Variants in NRXN1 observed in about 807,000 individuals in gnomAD.
The protein encoded by NRXN1 is neurexin 1, also known as neurexin-1.
NRXN1 carries 39 observed loss-of-function variants against 150.9 expected under a neutral mutation model. That is an observed-to-expected ratio of 0.26 (90% CI 0.20 to 0.34). The LOEUF is 0.34. Ranked by LOEUF, NRXN1 falls within the 10% of genes least tolerant of loss-of-function variation. The probability of loss-of-function intolerance (pLI) is 1.00; values close to 1 mark genes in which losing one functional copy is unlikely to be tolerated. For synonymous variants in NRXN1, 924 were observed against 757.0 expected, an observed-to-expected ratio of 1.22 and a Z score of -3.62; for missense variants, 1,815 against 1,949.9, an observed-to-expected ratio of 0.93 and a Z score of 1.30.
At chr2:50,913,556 T>C (rs1684815859) in intron 5 of NRXN1, among the ~76,000 whole-genome samples, 1 of 151,804 alleles carries the variant, frequency 6.6e-6, no homozygotes, top group South Asian at 2.1e-4. Context: ...GTCTCAGTAG[T>C]GTAATTGTAT....
chr2:50,219,975 A>ATATATAAT (rs1491470411), intron 18 of NRXN1, among the ~76,000 whole-genome samples: 1 of 25,754 alleles, frequency 3.9e-5, no homozygotes, highest in African/African-American at 3.4e-4. Flanking sequence ...ATATATATAT[A>ATATATAAT]ATATATATAT....
In NRXN1 at chr2:50,054,946, G is replaced by GT. The variant is rs770051379; in HGVS notation, c.3808+8dup. On this transcript the variant is annotated intron_variant, in intron 20 of 22. Transcript: ENST00000401669. Reference sequence around the variant, plus strand: ...TTTTTTATTTGAAGTTTTAATCAATGTTTTTTACCTTTGTCGAGTAGCCAT... The same window carrying GT: ...TTTTTTATTTGAAGTTTTAATCAATGTTTTTTTACCTTTGTCGAGTAGCCAT... 4.5e-5 allele frequency: 68 copies of GT among 1,526,998 alleles called. No individual in the cohort carries two copies. Among genetic ancestry groups the GT allele is most frequent in the Admixed American group, 3.6e-4 (17 of 47,766 alleles). 94.6% of individuals were successfully genotyped at this position (1,526,998 alleles called of 1,614,324 possible).
At chr2:50,301,775 T>A (rs1223901401) in intron 17 of NRXN1, among the ~76,000 whole-genome samples, 2 of 152,202 alleles carry the variant, frequency 1.3e-5, no homozygotes, top group African/African-American at 4.8e-5. Context: ...AGAATCAAGA[T>A]GAGGCCCATT....
At chr2:50,664,403 G>GTGT (rs1159696023) in intron 5 of NRXN1, among the ~76,000 whole-genome samples, 1 of 135,978 alleles carries the variant, frequency 7.4e-6, no homozygotes, top group Admixed American at 7.1e-5. Flanking sequence ...AAGCGTGTGT[G>GTGT]TGTGTGTGTG....
intron 2 of NRXN1, among the ~76,000 whole-genome samples, chr2:51,010,163 TAGATAATCCCTCA>T (rs1667618954): frequency 6.6e-6 from 1 of 151,988 alleles, no homozygotes; most frequent in African/African-American, 2.4e-5. Flanking sequence ...AAACATCTCA[TAGATAATCCCTCA>T]AGATGGAGAG....
At chr2:50,076,314 C>G (rs191639780) in intron 19 of NRXN1, among the ~76,000 whole-genome samples, 11 of 152,058 alleles carry the variant, frequency 7.2e-5, no homozygotes, top group Non-Finnish European at 1.2e-4. Flanking sequence ...CAAACTAATA[C>G]GGGGAGGTTA....
At chr2:50,486,878 TTGAGCA>T (rs2090911425) in intron 15 of NRXN1, among the ~76,000 whole-genome samples, 1 of 152,118 alleles carries the variant, frequency 6.6e-6, no homozygotes, top group African/African-American at 2.4e-5. Context: ...TTATGAACCC[TTGAGCA>T]TCAAAGAATA....
chr2:50,252,233 C>CTTTTTTTT (rs55993018), intron 17 of NRXN1, among the ~76,000 whole-genome samples: 42 of 94,904 alleles, frequency 4.4e-4, no homozygotes, highest in East Asian at 9.8e-4. Flanking sequence ...ACATTTTGTC[C>CTTTTTTTT]TTTTTTTTTT....
chr2:50,758,668 C>A (rs968740664), intron 5 of NRXN1, among the ~76,000 whole-genome samples: 1 of 151,838 alleles, frequency 6.6e-6, no homozygotes, highest in Non-Finnish European at 1.5e-5. Context: ...GAAATGAATT[C>A]GACTGGTGGC....
In NRXN1 at chr2:50,347,080, C is replaced by T; in HGVS notation, c.3365-110110G>A. 1 of 1,383,990 alleles carries T rather than the reference C, an allele frequency of 7.2e-7. No individual in the cohort carries two copies. Among genetic ancestry groups the T allele is most frequent in the Non-Finnish European group, 9.5e-7 (1 of 1,053,534 alleles). The allele number at this position is 1,383,990 out of a possible 1,614,324, so 85.7% of individuals were successfully genotyped here. A position where few individuals can be genotyped will look rare whatever the true frequency, so the allele number is the denominator to read the frequency against. On this transcript the variant is annotated intron_variant, in intron 17 of 22. Transcript: ENST00000401669. This position sits in a 1 kb window ranked among gnomAD's most constrained non-coding sequence, Gnocchi z 4.9. ...GGCCGCCTCACCGCGCCAGGGCACC[C>T]ATCCTCTCCCTCCTTCGGACAGTCT...
rs1425873902 is a variant in NRXN1, at chr2:50,829,999, G to GGAAAA, written c.832+91869_832+91870insTTTTC. On this transcript the variant is annotated intron_variant, in intron 5 of 22. Coordinates refer to ENST00000401669, the MANE Select transcript of NRXN1 (RefSeq NM_001330078.2). ...GGAACCCAAAGAATACTGCCTGCTGGAAAAAAAAAAAAAAAAAAAAAAAAA... is the reference window on the plus strand; with the variant it reads ...GGAACCCAAAGAATACTGCCTGCTGGGAAAAAAAAAAAAAAAAAAAAAAAAAAAAA... Among the ~76,000 whole-genome samples, 31 of 58,180 alleles carry GGAAAA rather than the reference G, an allele frequency of 5.3e-4. 1 individual carries two copies. Among genetic ancestry groups the GGAAAA allele is most frequent in the East Asian group, 4.6e-3 (6 of 1,308 alleles). 38.2% of individuals were successfully genotyped at this position (58,180 alleles called of 152,430 possible). A position where few individuals can be genotyped will look rare whatever the true frequency, so the allele number is the denominator to read the frequency against.
chr2:50,989,152 T>A (rs184305470), intron 2 of NRXN1, among the ~76,000 whole-genome samples: 3 of 151,952 alleles, frequency 2.0e-5, no homozygotes, highest in Admixed American at 2.0e-4. Flanking sequence ...ATAAACAACA[T>A]AGTAACAGAA....
At chr2:50,179,432 T>A (rs2060559793) in intron 18 of NRXN1, among the ~76,000 whole-genome samples, 1 of 152,142 alleles carries the variant, frequency 6.6e-6, no homozygotes, top group Non-Finnish European at 1.5e-5. Context: ...TTTTCATCAG[T>A]AATGGGCATG....
At chr2:50,522,594 TTC>T (rs1321560424) in intron 12 of NRXN1, among the ~76,000 whole-genome samples, 4 of 152,120 alleles carry the variant, frequency 2.6e-5, no homozygotes, top group African/African-American at 9.7e-5. Flanking sequence ...CACAGTATCA[TTC>T]TGTTGCCTAA....
intron 2 of NRXN1, among the ~76,000 whole-genome samples, chr2:50,966,512 A>T (rs1266017572): frequency 6.6e-6 from 1 of 151,748 alleles, no homozygotes; most frequent in Non-Finnish European, 1.5e-5. Flanking sequence ...GGAAAAGAGC[A>T]CAATCTTCAA....
chr2:50,710,525 C>A (rs1256181291), intron 5 of NRXN1, among the ~76,000 whole-genome samples: 4 of 152,244 alleles, frequency 2.6e-5, no homozygotes, highest in East Asian at 1.9e-4. Flanking sequence ...CATTAATACT[C>A]CCTATAATTT....
rs202166616 is a variant in NRXN1, at chr2:50,620,148, C to A, written c.1194G>T (p.Thr398=). ...TGGTATAATCTTCTTGCGTGTAGCC[C>A]GTTGTGGTAAGAATCCCATCCACTG... is the stretch of plus-strand genomic sequence containing the variant. ...TISVDGILTT[T]GYTQEDYTML... is the part of the protein sequence containing the mutation. The change falls in exon 8 of 23, where the codon ACG becomes ACT. Residue 398 remains threonine, a synonymous_variant. Transcript: ENST00000401669. 1 of 1,613,244 alleles carries A rather than the reference C, an allele frequency of 6.2e-7. No homozygotes were observed. The highest frequency in any genetic ancestry group is 8.5e-7 in the Non-Finnish European group (1 of 1,179,618).
chr2:50,269,280 C>T (rs998742254), intron 17 of NRXN1, among the ~76,000 whole-genome samples: 4 of 152,126 alleles, frequency 2.6e-5, no homozygotes, highest in African/African-American at 7.2e-5. Flanking sequence ...TCTATGAGTC[C>T]TTGCAGGTGT....
chr2:50,133,857 A>T (rs1411319719), intron 18 of NRXN1, among the ~76,000 whole-genome samples: 1 of 152,214 alleles, frequency 6.6e-6, no homozygotes, highest in Non-Finnish European at 1.5e-5. Context: ...AATGAAGACT[A>T]GGATACATTT....
Sources: allele counts gnomAD v4.1 joint callset (sites outside exome capture counted in the v4.1 genomes callset), GRCh38; gene constraint gnomAD v4.1.1; non-coding constraint Gnocchi (gnomAD v3.1); transcripts MANE v1.5; gene names NCBI Gene and HGNC (gene_info 2026-07-23, HGNC 2026-07-21).